The following PCDHA4 variants were observed in gnomAD, a reference collection of about 807,000 sequenced individuals.
The protein encoded by PCDHA4 is protocadherin alpha-4.
Under a neutral mutation model 61.4 loss-of-function variants are expected in PCDHA4, and 49 were observed. The observed-to-expected ratio is 0.80, with a 90% CI of 0.63 to 1.01. The LOEUF (loss-of-function observed/expected upper bound fraction) is 1.01, where lower values mean the gene tolerates loss of function less well. Ranked by LOEUF, PCDHA4 falls within the 50% of genes least tolerant of loss-of-function variation. The pLI is 0.00. For synonymous variants in PCDHA4, 590 were observed against 550.3 expected, an observed-to-expected ratio of 1.07 and a Z score of -1.01; for missense variants, 1,254 against 1,235.8, an observed-to-expected ratio of 1.01 and a Z score of -0.22.
chr5:140,943,679 A>C (rs973228943), intron 1 of PCDHA4, among the ~76,000 whole-genome samples: 3 of 152,248 alleles, frequency 2.0e-5, no homozygotes, highest in African/African-American at 7.2e-5. Context: ...TGTGAAAAAA[A>C]GGGATAAGGT....
rs782492418 is a variant in PCDHA4 at position 140,858,271 on chromosome 5, C to T, written c.2385+48699C>T. On this transcript the variant is annotated intron_variant, in intron 1 of 3. Coordinates refer to ENST00000530339, the MANE Select transcript of PCDHA4 (RefSeq NM_018907.4). ...TGAAGCCCACGCTGGTGTGCTCTAGCGCGGTGGGGAGCTGGTCTTACTCGC... is the reference window on the plus strand; with the variant it reads ...TGAAGCCCACGCTGGTGTGCTCTAGTGCGGTGGGGAGCTGGTCTTACTCGC... 2.3e-5 allele frequency: 37 copies of T among 1,597,010 alleles called. 3 individuals are homozygous for T. The highest frequency in any genetic ancestry group is 8.4e-5 in the Admixed American group (5 of 59,172).
At chr5:140,856,839 AC>A (rs1220009978) in intron 1 of PCDHA4, 1 of 1,592,554 alleles carries the variant, frequency 6.3e-7, no homozygotes, top group East Asian at 2.2e-5. Context: ...ATACGGCTCA[AC>A]GCTTCTGATT....
chr5:140,869,204 C>G (rs199956165), intron 1 of PCDHA4: 29 of 1,613,960 alleles, frequency 1.8e-5, no homozygotes, highest in Non-Finnish European at 2.4e-5. Flanking sequence ...CTCCACTACT[C>G]CGTCTCGGAG....
chr5:140,899,019 G>A (rs2067099712), intron 1 of PCDHA4, among the ~76,000 whole-genome samples: 1 of 151,834 alleles, frequency 6.6e-6, no homozygotes, highest in African/African-American at 2.4e-5. Flanking sequence ...AAGAATGCTT[G>A]TGATTTTTGT....
In PCDHA4 at chr5:140,841,673, C is replaced by T; in HGVS notation, c.2385+32101C>T. On this transcript the variant is annotated intron_variant, in intron 1 of 3. Transcript: ENST00000530339. ...CGTGGACAGGCCGCTGCAGGTTTTCCATGTGGACGTGGAGGTGAAGGATGT... is the reference window on the plus strand; with the variant it reads ...CGTGGACAGGCCGCTGCAGGTTTTCTATGTGGACGTGGAGGTGAAGGATGT... 1.2e-6 allele frequency: 2 copies of T among 1,614,024 alleles called. No individual in the cohort carries two copies. The highest frequency in any genetic ancestry group is 1.7e-6 in the Non-Finnish European group (2 of 1,179,944).
At chr5:140,880,759 T>C (rs2058465198) in intron 1 of PCDHA4, among the ~76,000 whole-genome samples, 1 of 152,188 alleles carries the variant, frequency 6.6e-6, no homozygotes. Context: ...TAACTGCGTG[T>C]TGGAGGCTAA....
intron 1 of PCDHA4, chr5:140,835,829 G>C: frequency 6.2e-7 from 1 of 1,612,474 alleles, no homozygotes; most frequent in Non-Finnish European, 8.5e-7. Context: ...CGGGGGACGC[G>C]GACGCGCAGA....
In PCDHA4 at chr5:140,846,504, A is replaced by G. The variant is rs910263180; in HGVS notation, c.2385+36932A>G. ...ATTCTCCTTCCTCAGCCTCCCAAGT[A>G]GCTGGGATTACAGGTGCATGCCACC... is the stretch of plus-strand genomic sequence containing the variant. On this transcript the variant is annotated intron_variant, in intron 1 of 3. Coordinates refer to ENST00000530339, the MANE Select transcript of PCDHA4 (RefSeq NM_018907.4). Among the ~76,000 whole-genome samples the G allele has an allele frequency of 1.4e-5, 2 of 146,302 alleles. 1 individual carries two copies. Among genetic ancestry groups the G allele is most frequent in the Non-Finnish European group, 3.0e-5 (2 of 66,038 alleles).
At position 140,843,480 on chromosome 5, in the gene PCDHA4, C is replaced by A. The variant is rs2150360983; in HGVS notation, c.2385+33908C>A. 13 of 1,596,024 alleles carry A rather than the reference C, an allele frequency of 8.1e-6. 2 individuals carry two copies. The highest frequency in any genetic ancestry group is 1.1e-5 in the South Asian group (1 of 90,492). On this transcript the variant is annotated intron_variant, in intron 1 of 3. Coordinates refer to ENST00000530339, the MANE Select transcript of PCDHA4 (RefSeq NM_018907.4). Reference sequence around the variant, plus strand: ...GTGCTCACGCTGCTGCTGTACACTGCGCTGCGGTGCTCAGCACTGCCCACT... The same window carrying A: ...GTGCTCACGCTGCTGCTGTACACTGAGCTGCGGTGCTCAGCACTGCCCACT...
At chr5:140,966,063 C>T (rs2095963895) in intron 1 of PCDHA4, 1 of 153,130 alleles carries the variant, frequency 6.5e-6, no homozygotes, top group African/African-American at 2.4e-5. Flanking sequence ...CAGAGCGCCT[C>T]CCCCTGCGTT....
At chr5:140,945,488 C>T (rs1362622912) in intron 1 of PCDHA4, among the ~76,000 whole-genome samples, 1 of 151,910 alleles carries the variant, frequency 6.6e-6, no homozygotes, top group Non-Finnish European at 1.5e-5. Flanking sequence ...ACCCCAAATA[C>T]CCAAAGCAAT....
intron 1 of PCDHA4, among the ~76,000 whole-genome samples, chr5:140,912,519 T>G (rs770184717): frequency 6.6e-6 from 1 of 152,164 alleles, no homozygotes. Context: ...TCTTTAGGGT[T>G]TTCAGAGTAC....
At chr5:140,829,444 T>G (rs1554131961) in intron 1 of PCDHA4, 1 of 1,613,940 alleles carries the variant, frequency 6.2e-7, no homozygotes, top group Non-Finnish European at 8.5e-7. Context: ...TGAATGACAA[T>G]GCTCCGGCGT....
At chr5:140,881,399 T>A in intron 1 of PCDHA4, 1 of 975,578 alleles carries the variant, frequency 1.0e-6, no homozygotes, top group Non-Finnish European at 1.2e-6. Flanking sequence ...TTAAATTCTA[T>A]TAAATCAATA....
At chr5:140,843,653 C>G in intron 1 of PCDHA4, 1 of 1,595,020 alleles carries the variant, frequency 6.3e-7, no homozygotes, top group Non-Finnish European at 8.6e-7. Context: ...CTGCCTTCCT[C>G]CTGATCTGGG....
chr5:140,915,367 G>A lies in PCDHA4; in HGVS notation c.2386-63582G>A, dbSNP rs185020793. On this transcript the variant is annotated intron_variant, in intron 1 of 3. Coordinates refer to ENST00000530339, the MANE Select transcript of PCDHA4 (RefSeq NM_018907.4). Reference sequence around the variant, plus strand: ...TCTGTATGCCTATTCTTACCAGTAAGTGTCTCGGCATTGAAGAGCTAGGTA... The same window carrying A: ...TCTGTATGCCTATTCTTACCAGTAAATGTCTCGGCATTGAAGAGCTAGGTA... Among the ~76,000 whole-genome samples, 5 of 152,278 alleles carry A rather than the reference G, an allele frequency of 3.3e-5. No individual in the cohort carries two copies. In the East Asian group the frequency reaches 9.7e-4, roughly 29 times the overall value.
intron 1 of PCDHA4, chr5:140,869,974 T>G: frequency 6.2e-7 from 1 of 1,613,252 alleles, no homozygotes; most frequent in Non-Finnish European, 8.5e-7. Context: ...TGGAAGACAC[T>G]TATTTACACT....
chr5:141,006,405 C>A (rs782532612), intron 3 of PCDHA4, among the ~76,000 whole-genome samples: 1 of 151,798 alleles, frequency 6.6e-6, no homozygotes, highest in Non-Finnish European at 1.5e-5. Context: ...AGTAGAGACG[C>A]GGTTTCACTG....
At chr5:140,877,304 T>C in intron 1 of PCDHA4, 3 of 1,613,926 alleles carry the variant, frequency 1.9e-6, no homozygotes, top group Non-Finnish European at 2.5e-6. Context: ...TCCTACGAGT[T>C]GCAACCGGCG....
Sources: allele counts gnomAD v4.1 joint callset (sites outside exome capture counted in the v4.1 genomes callset), GRCh38; gene constraint gnomAD v4.1.1; transcripts MANE v1.5; gene names NCBI Gene and HGNC (gene_info 2026-07-23, HGNC 2026-07-21).